Variants in CYP2C18 observed in about 807,000 individuals in gnomAD.
CYP2C18 encodes the protein cytochrome P450 family 2 subfamily C member 18, also known as cytochrome P450 2C18.
CYP2C18 carries 38 observed loss-of-function variants against 41.3 expected under a neutral mutation model. That is an observed-to-expected ratio of 0.92 (90% CI 0.71 to 1.21). The LOEUF is 1.21. Ranked by LOEUF, CYP2C18 falls within the 50% of genes most tolerant of loss-of-function variation. The probability of loss-of-function intolerance (pLI) is 0.00; values close to 1 mark genes in which losing one functional copy is unlikely to be tolerated. For synonymous variants in CYP2C18, 236 were observed against 210.0 expected (o/e 1.12, Z -1.07); for missense variants, 635 against 591.4 (o/e 1.07, Z -0.77).
At chr10:94,713,942 A>AT (rs1262077688) in intron 5 of CYP2C18, among the ~76,000 whole-genome samples, 1 of 152,014 alleles carries the variant, frequency 6.6e-6, no homozygotes, top group Non-Finnish European at 1.5e-5. Flanking sequence ...GATGATGAAC[A>AT]TTTTTTCATG....
intron 1 of CYP2C18, among the ~76,000 whole-genome samples, chr10:94,687,365 G>T (rs1846906692): frequency 6.6e-6 from 1 of 152,160 alleles, no homozygotes; most frequent in Non-Finnish European, 1.5e-5. Flanking sequence ...GCTGATTATT[G>T]GTCAAAATAT....
Position 94,684,185 on chromosome 10 carries a change from A to C in CYP2C18, c.168+198A>C, listed in dbSNP as rs538298910. On this transcript the variant is annotated intron_variant, in intron 1 of 8. Transcript: ENST00000285979. ...ATATCCATCATCTCAAATATTTGTC[A>C]TTTCTTTGTAGTGAGAACATTTAAA... Among the ~76,000 whole-genome samples, 12 of 152,236 alleles carry C rather than the reference A, an allele frequency of 7.9e-5. No homozygotes were observed. In the East Asian group the frequency reaches 2.3e-3, roughly 29 times the overall value.
At chr10:94,705,469 C>G (rs1443749077) in intron 4 of CYP2C18, among the ~76,000 whole-genome samples, 1 of 152,126 alleles carries the variant, frequency 6.6e-6, no homozygotes, top group Non-Finnish European at 1.5e-5. Flanking sequence ...ACACATTTAC[C>G]TATGTAACAA....
chr10:94,697,086 T>C (rs866070346), intron 4 of CYP2C18, among the ~76,000 whole-genome samples: 14 of 152,222 alleles, frequency 9.2e-5, no homozygotes, highest in African/African-American at 3.4e-4. Context: ...ACTTCCCCAA[T>C]CTAGCAAGGC....
At chr10:94,695,596 T>C (rs1188682163) in intron 4 of CYP2C18, among the ~76,000 whole-genome samples, 2 of 152,030 alleles carry the variant, frequency 1.3e-5, no homozygotes, top group Non-Finnish European at 2.9e-5. Context: ...CCAACTGAGG[T>C]ACTGGGTTCA....
chr10:94,706,901 T>C lies in CYP2C18; in HGVS notation c.760T>C (p.Ser254Pro). Residue 254 changes from serine (S) to proline (P), a missense_variant, in exon 5 of 9, where the codon TCC becomes CCC. Physicochemically the swap from Ser to Pro is moderately conservative, Grantham distance 74. Transcript: ENST00000285979. ...GGAGAGAATAAAAGAACATCAAGAA[T>C]CCCTGGACATGAACAGTGCTCGGGA... ...VLERIKEHQE[S>P]LDMNSARDFI... 3 of 1,612,732 alleles carry C rather than the reference T, an allele frequency of 1.9e-6. No homozygotes were observed. The Admixed American group carries it at 5.0e-5, about 27-fold the overall frequency.
chr10:94,708,587 A>G (rs1262584686), intron 5 of CYP2C18, among the ~76,000 whole-genome samples: 1 of 151,682 alleles, frequency 6.6e-6, no homozygotes, highest in Non-Finnish European at 1.5e-5. Context: ...CAGCATTTTT[A>G]TTGAGTTTAA....
chr10:94,686,764 G>T (rs534441074), intron 1 of CYP2C18, among the ~76,000 whole-genome samples: 7 of 152,178 alleles, frequency 4.6e-5, no homozygotes, highest in Non-Finnish European at 8.8e-5. Flanking sequence ...AATGCATTTT[G>T]CCAGAAGAGA....
chr10:94,701,678 A>G (rs1160524644), intron 4 of CYP2C18, among the ~76,000 whole-genome samples: 1 of 152,208 alleles, frequency 6.6e-6, no homozygotes, highest in South Asian at 2.1e-4. Flanking sequence ...CAGAGTGTAC[A>G]CAGTTGTTCC....
intron 6 of CYP2C18, among the ~76,000 whole-genome samples, chr10:94,722,872 G>T (rs1299906928): frequency 6.6e-6 from 1 of 152,080 alleles, no homozygotes; most frequent in Admixed American, 6.6e-5. Flanking sequence ...CAGCAGCCAG[G>T]TGTAAACTCC....
chr10:94,699,841 A>G (rs1423820454), intron 4 of CYP2C18, among the ~76,000 whole-genome samples: 1 of 152,196 alleles, frequency 6.6e-6, no homozygotes, highest in Non-Finnish European at 1.5e-5. Flanking sequence ...TAACAGAGAA[A>G]CAGAGAGCCA....
chr10:94,732,721 A>G (rs1847854153), intron 7 of CYP2C18, among the ~76,000 whole-genome samples: 1 of 152,076 alleles, frequency 6.6e-6, no homozygotes, highest in Admixed American at 6.6e-5. Flanking sequence ...AAAACCAAAT[A>G]TTGTACGTTC....
chr10:94,697,700 G>C (rs1324155299), intron 4 of CYP2C18, among the ~76,000 whole-genome samples: 1 of 152,148 alleles, frequency 6.6e-6, no homozygotes, highest in South Asian at 2.1e-4. Flanking sequence ...TGGATAAAGA[G>C]TCAAGATCCA....
intron 5 of CYP2C18, among the ~76,000 whole-genome samples, chr10:94,719,852 G>A (rs1847619578): frequency 6.6e-6 from 1 of 151,946 alleles, no homozygotes; most frequent in Non-Finnish European, 1.5e-5. Context: ...GGGATTACAG[G>A]CATGTGCCAC....
At position 94,735,471 on chromosome 10, in the gene CYP2C18, T is replaced by C; in HGVS notation, c.*27T>C. On this transcript the variant is annotated 3_prime_UTR_variant, in exon 9 of 9. Coordinates refer to ENST00000285979, the MANE Select transcript of CYP2C18 (RefSeq NM_000772.3). ...GAAGGGCAGATAGTTTGGCTGCTCC[T>C]GTGCTGTCACCTGCAATTCTCCCTT... is the stretch of plus-strand genomic sequence containing the variant. The C allele has an allele frequency of 6.2e-7, 1 of 1,611,162 alleles. No individual in the cohort carries two copies. The highest frequency in any genetic ancestry group is 8.5e-7 in the Non-Finnish European group (1 of 1,177,634).
chr10:94,702,217 G>A (rs1847259000), intron 4 of CYP2C18, among the ~76,000 whole-genome samples: 1 of 152,044 alleles, frequency 6.6e-6, no homozygotes, highest in Admixed American at 6.6e-5. Flanking sequence ...GTGTCTTGGG[G>A]TTGCTATTCT....
At chr10:94,707,358 A>G (rs2296679) in intron 5 of CYP2C18, among the ~76,000 whole-genome samples, 3,850 of 152,248 alleles carry the variant, frequency 0.025, 149 homozygotes, top group African/African-American at 0.075. Context: ...AATATTTACA[A>G]TGAATAACGG....
At chr10:94,727,533 G>A (rs1010645040) in intron 7 of CYP2C18, among the ~76,000 whole-genome samples, 4 of 151,648 alleles carry the variant, frequency 2.6e-5, no homozygotes, top group African/African-American at 9.7e-5. Flanking sequence ...GAGGATTGCT[G>A]GTGTCCAAGA....
At chr10:94,697,548 G>A (rs1469165522) in intron 4 of CYP2C18, among the ~76,000 whole-genome samples, 25 of 152,154 alleles carry the variant, frequency 1.6e-4, no homozygotes, top group Admixed American at 1.5e-3. Context: ...AAAGACCATC[G>A]AGGCTGGGAA....
Sources: gnomAD v4.1 joint callset for allele counts (sites outside exome capture counted in the v4.1 genomes callset) on GRCh38, gnomAD v4.1.1 for gene constraint, MANE v1.5 for transcripts, NCBI Gene and HGNC (gene_info 2026-07-23, HGNC 2026-07-21) for gene names.